The following DNAH9 variants were observed in gnomAD, a reference collection of about 807,000 sequenced individuals.
DNAH9 encodes the protein dynein axonemal heavy chain 9, also known as DNAH9 variant protein.
In DNAH9, 345 loss-of-function variants were observed where a neutral mutation model predicts 471.6. The ratio of observed to expected loss-of-function variants is 0.73; its 90% CI spans 0.67 to 0.80. The LOEUF is 0.80. Among genes scored for constraint, DNAH9 ranks in the 30% least tolerant of loss-of-function variants. The pLI, the probability that DNAH9 is intolerant of heterozygous loss-of-function variation, is 0.00. For missense variants in DNAH9, 5,407 were observed against 5,609.2 expected, an observed-to-expected ratio of 0.96 and a Z score of 1.15; for synonymous variants, 2,093 against 2,123.6, an observed-to-expected ratio of 0.99 and a Z score of 0.40.
At chr17:11,835,880 T>G (rs548617926) in intron 49 of DNAH9, among the ~76,000 whole-genome samples, 1 of 152,288 alleles carries the variant, frequency 6.6e-6, no homozygotes, top group South Asian at 2.1e-4. Flanking sequence ...CACACCACCT[T>G]TCCCTGAACA....
chr17:11,726,707 T>C (rs1386949916), intron 27 of DNAH9, among the ~76,000 whole-genome samples: 1 of 152,100 alleles, frequency 6.6e-6, no homozygotes, highest in African/African-American at 2.4e-5. Context: ...TAGACTGAGC[T>C]CCCCTATGTC....
In DNAH9 at chr17:11,693,857, T is replaced by A; in HGVS notation, c.4615-11T>A. On this transcript the variant is annotated splice_polypyrimidine_tract_variant and intron_variant, in intron 20 of 68. Transcript: ENST00000262442. ...AGTGGTGGTTAATTGCTTCCACATTTTTATTTGCAGGATTCTAAAAGGTTT... is the reference window on the plus strand; with the variant it reads ...AGTGGTGGTTAATTGCTTCCACATTATTATTTGCAGGATTCTAAAAGGTTT... The A allele has an allele frequency of 6.2e-7, 1 of 1,614,092 alleles. No individual in the cohort carries two copies. Among genetic ancestry groups the A allele is most frequent in the Non-Finnish European group, 8.5e-7 (1 of 1,179,980 alleles).
Position 11,598,664 on chromosome 17 carries a change from C to T in DNAH9, c.166C>T (p.Leu56Phe), listed in dbSNP as rs879703549. 28 of 1,363,124 alleles carry T rather than the reference C, an allele frequency of 2.1e-5. No homozygotes were observed. The highest frequency in any genetic ancestry group is 2.4e-5 in the Non-Finnish European group (26 of 1,064,396). 84.4% of individuals were successfully genotyped at this position (1,363,124 alleles called of 1,614,324 possible). A position where few individuals can be genotyped will look rare whatever the true frequency, so the allele number is the denominator to read the frequency against. ...CAGSAEAEQL[L>F]QAFLGRDAAE... ...GGGGAGTGCTGAGGCGGAGCAGCTG[C>T]TCCAGGCCTTCCTGGGCCGCGATGC... is the stretch of plus-strand genomic sequence containing the variant. The change falls in exon 1 of 69, where the codon CTC (leucine) becomes TTC (phenylalanine). Residue 56 changes from leucine (L) to phenylalanine (F), a missense_variant. Leu to Phe is a conservative substitution (Grantham distance 22, BLOSUM62 0). Coordinates refer to ENST00000262442, the MANE Select transcript of DNAH9 (RefSeq NM_001372.4).
At chr17:11,910,063 G>A (rs1973742653) in intron 61 of DNAH9, among the ~76,000 whole-genome samples, 1 of 152,090 alleles carries the variant, frequency 6.6e-6, no homozygotes. Context: ...AGACCATCCT[G>A]GCTAACACGG....
chr17:11,911,117 A>G (rs1973781906), intron 61 of DNAH9, among the ~76,000 whole-genome samples: 1 of 152,184 alleles, frequency 6.6e-6, no homozygotes, highest in South Asian at 2.1e-4. Flanking sequence ...TTGCCAACCT[A>G]AGGTCACAAA....
chr17:11,925,690 T>C (rs1487798040), intron 62 of DNAH9, among the ~76,000 whole-genome samples: 2 of 152,160 alleles, frequency 1.3e-5, no homozygotes, highest in African/African-American at 2.4e-5. Flanking sequence ...CTATTGGCCA[T>C]GCAGGGCATC....
chr17:11,698,471 A>T (rs560295349), intron 22 of DNAH9, among the ~76,000 whole-genome samples: 3 of 149,532 alleles, frequency 2.0e-5, no homozygotes, highest in Admixed American at 1.4e-4. Context: ...CATAGGTTCT[A>T]TATTGTTGTT....
intron 41 of DNAH9, among the ~76,000 whole-genome samples, chr17:11,789,033 A>C (rs773298427): frequency 6.6e-5 from 10 of 152,060 alleles, no homozygotes; most frequent in Non-Finnish European, 1.0e-4. Flanking sequence ...ATGATAAATT[A>C]ATTGATTATT....
chr17:11,769,663 C>T (rs905029489), intron 38 of DNAH9, among the ~76,000 whole-genome samples: 7 of 152,174 alleles, frequency 4.6e-5, no homozygotes, highest in African/African-American at 1.2e-4. Flanking sequence ...TGCAGACTTC[C>T]GGCACTGAAA....
chr17:11,899,423 C>T (rs1449326999), intron 59 of DNAH9, among the ~76,000 whole-genome samples: 3 of 152,114 alleles, frequency 2.0e-5, no homozygotes, highest in African/African-American at 7.2e-5. Flanking sequence ...TGAAAAGGCC[C>T]CTTACTACCA....
At position 11,954,674 on chromosome 17, in the gene DNAH9, T is replaced by TAAAG. The variant is rs1236122515; in HGVS notation, c.12844-7189_12844-7186dup. ...AACAAGCCTGTGGGACAAGAAATGT[T>TAAAG]AAAGAAATTTCTTAGAACCCAGGAG... On this transcript the variant is annotated intron_variant, in intron 67 of 68. Coordinates refer to ENST00000262442, the MANE Select transcript of DNAH9 (RefSeq NM_001372.4). Among the ~76,000 whole-genome samples the TAAAG allele has an allele frequency of 3.3e-5, 5 of 151,232 alleles. No individual in the cohort carries two copies. In the East Asian group the frequency reaches 9.7e-4, roughly 29 times the overall value.
chr17:11,599,077 A>G (rs1230587773), intron 1 of DNAH9, among the ~76,000 whole-genome samples, 162 bp downstream of exon 1: 1 of 151,918 alleles, frequency 6.6e-6, no homozygotes, highest in Admixed American at 6.5e-5. Flanking sequence ...AGGGAGCACA[A>G]CCAGGAGGGA....
At chr17:11,777,808 A>G (rs542553245) in intron 38 of DNAH9, among the ~76,000 whole-genome samples, 2 of 152,332 alleles carry the variant, frequency 1.3e-5, no homozygotes, top group East Asian at 3.9e-4. Context: ...GCTCTCTCCC[A>G]CCTAATACCT....
chr17:11,602,625 T>A (rs2072410171), intron 1 of DNAH9, among the ~76,000 whole-genome samples: 1 of 152,200 alleles, frequency 6.6e-6, no homozygotes, highest in African/African-American at 2.4e-5. Flanking sequence ...GCCTCCCAAC[T>A]CACTGTGGCT....
chr17:11,780,100 T>G (rs530594282), intron 38 of DNAH9, among the ~76,000 whole-genome samples: 1 of 152,336 alleles, frequency 6.6e-6, no homozygotes, highest in Admixed American at 6.5e-5. Flanking sequence ...TTACTTAAGT[T>G]TGTTCTAAAC....
chr17:11,695,001 G>C (rs534787502), intron 22 of DNAH9, among the ~76,000 whole-genome samples: 2 of 150,248 alleles, frequency 1.3e-5, no homozygotes, highest in African/African-American at 4.9e-5. Flanking sequence ...CCATCCCCCT[G>C]CCTCAGCCTC....
intron 10 of DNAH9, 57 bp downstream of exon 10, chr17:11,640,441 A>G: frequency 8.7e-7 from 1 of 1,155,588 alleles, no homozygotes; most frequent in Non-Finnish European, 1.3e-6. Flanking sequence ...CCTGCTCTAG[A>G]ATCTGAGTGT....
Position 11,629,511 on chromosome 17 carries a change from T to A in DNAH9, c.1445T>A (p.Met482Lys), listed in dbSNP as rs745843806. ...GNALSQQVQQ[M>K]HEEFQEMYRL... ...GCTCTGAGTCAGCAGGTCCAGCAAA[T>A]GCATGAAGAATTTCAAGAGATGTAC... Residue 482 changes from methionine to lysine, a missense_variant, in exon 7 of 69, where the codon ATG becomes AAG. By Grantham distance (95) the Met-to-Lys change is moderately conservative. Transcript: ENST00000262442. 1 of 1,614,036 alleles carries A rather than the reference T, an allele frequency of 6.2e-7. No individual in the cohort carries two copies. Among genetic ancestry groups the A allele is most frequent in the Non-Finnish European group, 8.5e-7 (1 of 1,180,012 alleles).
chr17:11,686,948 G>A (rs78456230), intron 19 of DNAH9, among the ~76,000 whole-genome samples: 3,676 of 152,236 alleles, frequency 0.024, 151 homozygotes, highest in African/African-American at 0.083. Flanking sequence ...CTCTAGTCAA[G>A]ATAAAAAGTG....
Sources: gnomAD v4.1 joint callset for allele counts (sites outside exome capture counted in the v4.1 genomes callset) on GRCh38, gnomAD v4.1.1 for gene constraint, MANE v1.5 for transcripts, NCBI Gene and HGNC (gene_info 2026-07-23, HGNC 2026-07-21) for gene names.